The following ZNF385D variants were observed in gnomAD, a reference collection of about 807,000 sequenced individuals.
ZNF385D encodes the protein zinc finger protein 385D, also known as zinc finger protein 659.
ZNF385D carries 15 observed loss-of-function variants against 35.8 expected under a neutral mutation model. That is an observed-to-expected ratio of 0.42 (90% confidence interval 0.28 to 0.64). The LOEUF (loss-of-function observed/expected upper bound fraction) is 0.64, where lower values mean the gene tolerates loss of function less well. Among genes scored for constraint, ZNF385D ranks in the 30% least tolerant of loss-of-function variants. The probability of loss-of-function intolerance (pLI) is 0.23; values close to 1 mark genes in which losing one functional copy is unlikely to be tolerated. For synonymous variants in ZNF385D, 212 were observed against 186.8 expected, an observed-to-expected ratio of 1.13 and a Z score of -1.10; for missense variants, 474 against 494.6, an observed-to-expected ratio of 0.96 and a Z score of 0.39.
At chr3:22,288,182 A>G in intron 2 of ZNF385D, among the ~76,000 whole-genome samples, 1 of 152,012 alleles carries the variant, frequency 6.6e-6, no homozygotes, top group Non-Finnish European at 1.5e-5. Context: ...TGTTTTCAAA[A>G]TTTTCTAATT....
intron 3 of ZNF385D, among the ~76,000 whole-genome samples, chr3:22,131,641 G>T (rs1028428935): frequency 6.6e-6 from 1 of 152,178 alleles, no homozygotes; most frequent in African/African-American, 2.4e-5. Flanking sequence ...CCACTGCAAA[G>T]AGAACAGATG....
chr3:21,448,528 T>G (rs2125271170), intron 4 of ZNF385D, among the ~76,000 whole-genome samples: 1 of 152,286 alleles, frequency 6.6e-6, no homozygotes, highest in Middle Eastern at 3.4e-3. Context: ...AGATAATTTT[T>G]TAAGAGCTGG....
chr3:21,851,213 T>A (rs1180839906), intron 3 of ZNF385D, among the ~76,000 whole-genome samples: 1 of 152,040 alleles, frequency 6.6e-6, no homozygotes, highest in Non-Finnish European at 1.5e-5. Flanking sequence ...ATTCACTAGA[T>A]GGCCTTGATA....
At chr3:21,579,649 C>CA (rs2063594882) in intron 2 of ZNF385D, 1 of 152,066 alleles carries the variant, frequency 6.6e-6, no homozygotes, top group African/African-American at 2.4e-5. Flanking sequence ...CAAAATACTG[C>CA]AAACTCAGTG....
intron 2 of ZNF385D, among the ~76,000 whole-genome samples, chr3:22,238,360 G>C (rs1174250681): frequency 6.6e-6 from 1 of 150,930 alleles, no homozygotes; most frequent in Non-Finnish European, 1.5e-5. Flanking sequence ...ACATAGTTGG[G>C]ACTTTGATAG....
At chr3:21,685,897 G>T (rs2067087478) in intron 1 of ZNF385D, among the ~76,000 whole-genome samples, 1 of 152,134 alleles carries the variant, frequency 6.6e-6, no homozygotes, top group South Asian at 2.1e-4. Context: ...AATTCTCCCA[G>T]GCAATAATTC....
At chr3:21,516,672 T>A (rs1707587132) in intron 3 of ZNF385D, among the ~76,000 whole-genome samples, 1 of 152,194 alleles carries the variant, frequency 6.6e-6, no homozygotes, top group Non-Finnish European at 1.5e-5. Context: ...GTCAAAGTCA[T>A]CTCTTTGAGT....
chr3:21,722,010 G>A (rs904800303), intron 1 of ZNF385D, among the ~76,000 whole-genome samples: 10 of 149,376 alleles, frequency 6.7e-5, no homozygotes, highest in Non-Finnish European at 4.4e-5. Flanking sequence ...TGAGGGAGGA[G>A]AATCACTTGA....
chr3:22,093,440 A>G (rs1200442313), intron 3 of ZNF385D, among the ~76,000 whole-genome samples: 1 of 151,946 alleles, frequency 6.6e-6, no homozygotes, highest in Non-Finnish European at 1.5e-5. Context: ...TAAAAAAGTT[A>G]AAGGAAATCA....
chr3:21,666,878 G>C (rs944181364), intron 1 of ZNF385D, among the ~76,000 whole-genome samples: 6 of 152,266 alleles, frequency 3.9e-5, no homozygotes, highest in Middle Eastern at 3.4e-3. Context: ...AGGAGTTCAA[G>C]ACCAGCCTGG....
At chr3:22,019,142 G>C (rs1576163823) in intron 3 of ZNF385D, among the ~76,000 whole-genome samples, 1 of 141,350 alleles carries the variant, frequency 7.1e-6, no homozygotes, top group African/African-American at 2.7e-5. Flanking sequence ...TCCTATACAG[G>C]GATCTATAAT....
At position 22,290,002 on chromosome 3, in the gene ZNF385D, G is replaced by T. The variant is rs181008649; in HGVS notation, c.106+82448C>A. Among the ~76,000 whole-genome samples, 54 of 152,232 alleles carry T rather than the reference G, an allele frequency of 3.5e-4. No individual in the cohort carries two copies. The East Asian group carries it at 7.6e-3, about 21-fold the overall frequency. ...GAAAAACTGGAAGCTTTGAGTTTTA[G>T]CCCCTTTTCTGCCTCAATCTTGAGA... is the stretch of plus-strand genomic sequence containing the variant. On this transcript the variant is annotated intron_variant, in intron 2 of 5. Coordinates refer to the ZNF385D transcript ENST00000494108.
intron 2 of ZNF385D, among the ~76,000 whole-genome samples, chr3:22,193,275 C>T (rs935239674): frequency 1.3e-5 from 2 of 152,060 alleles, no homozygotes; most frequent in Admixed American, 1.3e-4. Flanking sequence ...AAATGGCTTT[C>T]TCTTCCTAAT....
chr3:21,613,355 G>C (rs939099754), intron 2 of ZNF385D, among the ~76,000 whole-genome samples: 15 of 147,862 alleles, frequency 1.0e-4, no homozygotes, highest in African/African-American at 3.7e-4. Flanking sequence ...AAAAAAAAAT[G>C]TCTTAACTGA....
chr3:22,221,689 A>G (rs971132691), intron 2 of ZNF385D, among the ~76,000 whole-genome samples: 10 of 152,190 alleles, frequency 6.6e-5, no homozygotes, highest in Admixed American at 3.3e-4. Flanking sequence ...TAACTTGTTA[A>G]TATAGACATA....
intron 2 of ZNF385D, among the ~76,000 whole-genome samples, chr3:22,329,705 T>C (rs1009547113): frequency 1.3e-5 from 2 of 152,184 alleles, no homozygotes; most frequent in Admixed American, 6.5e-5. Flanking sequence ...ACTAGAAATG[T>C]AATGCAAGCC....
chr3:22,168,313 A>C (rs540980220), intron 3 of ZNF385D, among the ~76,000 whole-genome samples: 11 of 152,314 alleles, frequency 7.2e-5, no homozygotes, highest in Admixed American at 3.3e-4. Context: ...AAAGTAGTCT[A>C]AAGTTATTAA....
chr3:21,904,948 G>T (rs1005811569), intron 3 of ZNF385D, among the ~76,000 whole-genome samples: 1 of 151,842 alleles, frequency 6.6e-6, no homozygotes, highest in African/African-American at 2.4e-5. Context: ...TTATCTGAAA[G>T]TACAAGAAAG....
chr3:21,607,637 T>C (rs2064524135), intron 2 of ZNF385D, among the ~76,000 whole-genome samples: 1 of 152,128 alleles, frequency 6.6e-6, no homozygotes, highest in African/African-American at 2.4e-5. Context: ...CTCCTGGAAA[T>C]GTATATCTGT....
Sources: gnomAD v4.1 joint callset for allele counts (sites outside exome capture counted in the v4.1 genomes callset) on GRCh38, gnomAD v4.1.1 for gene constraint, MANE v1.5 for transcripts, NCBI Gene and HGNC (gene_info 2026-07-23, HGNC 2026-07-21) for gene names.